CDK19: variants seen among roughly 807,000 people sequenced by gnomAD.
The protein encoded by CDK19 is cyclin dependent kinase 19, also known as cyclin-dependent kinase 19.
CDK19 carries 20 observed loss-of-function variants against 68.3 expected under a neutral mutation model. That is an observed-to-expected ratio of 0.29 (90% CI 0.21 to 0.43). CDK19 has a LOEUF of 0.43. CDK19 is among the 20% of genes least tolerant of loss of function. The probability of loss-of-function intolerance (pLI) is 1.00; values close to 1 mark genes in which losing one functional copy is unlikely to be tolerated. For synonymous variants in CDK19, 221 were observed against 222.8 expected, an observed-to-expected ratio of 0.99 and a Z score of 0.07; for missense variants, 339 against 623.5, an observed-to-expected ratio of 0.54 and a Z score of 4.86.
At chr6:110,734,511 G>T (rs959326162) in intron 2 of CDK19, among the ~76,000 whole-genome samples, 3 of 48,198 alleles carry the variant, frequency 6.2e-5, no homozygotes, top group Non-Finnish European at 1.1e-4. Context: ...AACTAAGAGG[G>T]TGAGCACTGC....
intron 1 of CDK19, among the ~76,000 whole-genome samples, chr6:110,780,379 ACT>A (rs1780720004): frequency 7.5e-6 from 1 of 133,198 alleles, no homozygotes; most frequent in South Asian, 2.5e-4. Flanking sequence ...ACAGAGTGAC[ACT>A]CTGTCTCAAA....
At chr6:110,642,069 G>A (rs1424095696) in intron 4 of CDK19, among the ~76,000 whole-genome samples, 3 of 152,156 alleles carry the variant, frequency 2.0e-5, no homozygotes, top group Non-Finnish European at 2.9e-5. Context: ...TTGGGAGACC[G>A]AGGCGGGTGG....
At chr6:110,660,194 T>C (rs1781533244) in intron 4 of CDK19, among the ~76,000 whole-genome samples, 1 of 152,162 alleles carries the variant, frequency 6.6e-6, no homozygotes, top group East Asian at 1.9e-4. Flanking sequence ...CCTGACCCCT[T>C]CGCAGGCTGG....
intron 2 of CDK19, among the ~76,000 whole-genome samples, chr6:110,728,108 T>G (rs139067287): frequency 6.4e-4 from 97 of 151,820 alleles, no homozygotes; most frequent in African/African-American, 2.2e-3. Flanking sequence ...AGCAACATGG[T>G]GAAACCCTGT....
intron 4 of CDK19, among the ~76,000 whole-genome samples, chr6:110,658,147 G>C (rs1284456648): frequency 6.6e-6 from 1 of 152,198 alleles, no homozygotes; most frequent in East Asian, 1.9e-4. Context: ...GAGGCAGCAA[G>C]ACAGGAGCAT....
chr6:110,658,807 C>CT (rs1781453700), intron 4 of CDK19, among the ~76,000 whole-genome samples: 1 of 151,958 alleles, frequency 6.6e-6, no homozygotes. Flanking sequence ...GACAGGCATT[C>CT]TGGGGGGAAA....
Position 110,631,741 on chromosome 6 carries a change from G to A in CDK19, c.646+289C>T, listed in dbSNP as rs1013700886. Reference sequence around the variant, plus strand: ...TTCTCTCCAGTTCTTCTGATCAACAGCTACTAAGTACAAAATAAAATGTGC... The same window carrying A: ...TTCTCTCCAGTTCTTCTGATCAACAACTACTAAGTACAAAATAAAATGTGC... On this transcript the variant is annotated intron_variant, in intron 6 of 12. Coordinates refer to ENST00000368911, the MANE Select transcript of CDK19 (RefSeq NM_015076.5). Among the ~76,000 whole-genome samples the A allele has an allele frequency of 7.9e-5, 12 of 152,246 alleles. 1 individual carries two copies. In the South Asian group the frequency reaches 2.3e-3, roughly 29 times the overall value.
intron 2 of CDK19, among the ~76,000 whole-genome samples, chr6:110,717,393 A>G (rs1210312105): frequency 6.6e-6 from 1 of 152,188 alleles, no homozygotes; most frequent in Non-Finnish European, 1.5e-5. Context: ...TGGACATATT[A>G]TATATTTCAA....
intron 1 of CDK19, among the ~76,000 whole-genome samples, chr6:110,763,338 C>T (rs1044910175): frequency 2.6e-5 from 4 of 151,084 alleles, no homozygotes; most frequent in Non-Finnish European, 4.4e-5. Flanking sequence ...TATTATAATT[C>T]GTGGAGAGAA....
At chr6:110,648,217 C>G (rs7759773) in intron 4 of CDK19, among the ~76,000 whole-genome samples, 20 of 152,128 alleles carry the variant, frequency 1.3e-4, no homozygotes, top group African/African-American at 3.9e-4. Context: ...TACTATAAAA[C>G]AATAATTAAA....
intron 1 of CDK19, among the ~76,000 whole-genome samples, chr6:110,754,960 A>C (rs1479872990): frequency 3.9e-5 from 6 of 151,924 alleles, no homozygotes; most frequent in Admixed American, 3.9e-4. Context: ...GGAGGAAGAA[A>C]GAGCTGATCC....
At chr6:110,638,528 T>C in intron 5 of CDK19, 121 bp downstream of exon 5, 1 of 649,790 alleles carries the variant, frequency 1.5e-6, no homozygotes, top group Admixed American at 2.7e-5. Flanking sequence ...CAATATCTTT[T>C]CTAAAAATAA....
chr6:110,713,065 C>T (rs746048705), intron 2 of CDK19, among the ~76,000 whole-genome samples: 10 of 151,736 alleles, frequency 6.6e-5, no homozygotes, highest in Non-Finnish European at 1.3e-4. Flanking sequence ...GGCGTGGTGG[C>T]GCGCGCCTGT....
At chr6:110,640,148 C>T (rs142381690) in intron 4 of CDK19, among the ~76,000 whole-genome samples, 4 of 145,968 alleles carry the variant, frequency 2.7e-5, no homozygotes, top group African/African-American at 1.0e-4. Context: ...TTGAGTCTAG[C>T]AGATTGAGGC....
rs752816024 is a variant in CDK19 at position 110,712,556 on chromosome 6, C to T, written c.204+33570G>A. On this transcript the variant is annotated intron_variant, in intron 2 of 12. Transcript: ENST00000368911. ...TTCACAAAAGAAGTCTGGGCCTTTG[C>T]CTTATTAGATCTCATTCTCATTCCC... 3.7e-4 allele frequency among the ~76,000 whole-genome samples: 56 copies of T among 152,310 alleles called. 1 individual carries two copies. Among genetic ancestry groups the T allele is most frequent in the East Asian group, 9.6e-4 (5 of 5,190 alleles).
intron 12 of CDK19, among the ~76,000 whole-genome samples, chr6:110,619,773 T>A (rs868778553): frequency 6.6e-6 from 1 of 152,092 alleles, no homozygotes; most frequent in Non-Finnish European, 1.5e-5. Flanking sequence ...ACTTGTCATG[T>A]AGGAGTCTGA....
At chr6:110,697,436 A>G (rs1338435102) in intron 2 of CDK19, among the ~76,000 whole-genome samples, 1 of 152,104 alleles carries the variant, frequency 6.6e-6, no homozygotes, top group Non-Finnish European at 1.5e-5. Context: ...TAACCAAGGG[A>G]GAAATATACC....
intron 2 of CDK19, among the ~76,000 whole-genome samples, chr6:110,698,155 T>TA (rs1426458928): frequency 6.6e-6 from 1 of 151,052 alleles, no homozygotes; most frequent in Non-Finnish European, 1.5e-5. Flanking sequence ...AAAGCAAAAA[T>TA]AAACAAATGG....
intron 4 of CDK19, among the ~76,000 whole-genome samples, chr6:110,654,711 C>T (rs990125167): frequency 2.0e-5 from 3 of 152,106 alleles, no homozygotes; most frequent in Non-Finnish European, 2.9e-5. Flanking sequence ...GAGGCCAAGG[C>T]GGGCAGATGA....
Sources: allele counts gnomAD v4.1 joint callset (sites outside exome capture counted in the v4.1 genomes callset), GRCh38; gene constraint gnomAD v4.1.1; transcripts MANE v1.5; gene names NCBI Gene and HGNC (gene_info 2026-07-23, HGNC 2026-07-21).